SPATS1: variants seen among roughly 807,000 people sequenced by gnomAD.
SPATS1 encodes spermatogenesis associated serine rich 1, also known as spermatogenesis-associated serine-rich protein 1.
A neutral mutation model predicts 33.6 loss-of-function variants in SPATS1; 23 were observed. The ratio of observed to expected loss-of-function variants is 0.68; its 90% CI spans 0.49 to 0.97. The LOEUF is 0.97. SPATS1 is among the 50% of genes least tolerant of loss of function. The probability of loss-of-function intolerance (pLI) is 0.00; values close to 1 mark genes in which losing one functional copy is unlikely to be tolerated. For missense variants in SPATS1, 327 were observed against 361.0 expected (o/e 0.91, Z 0.76); for synonymous variants, 131 against 125.6 (o/e 1.04, Z -0.29).
In SPATS1 at chr6:44,361,840, A is replaced by G. The variant is rs370491567; in HGVS notation, c.422A>G (p.His141Arg). ...TTCTGGTGTATTGCAGAAGATGGGC[A>G]TCGTCCTGAGTGGACATTTTACCCA... ...SLLKLQTKDG[H>R]RPEWTFYPRF... The change falls in exon 5 of 9, where the codon CAT becomes CGT. Residue 141 changes from histidine (H) to arginine (R), a missense_variant. Transcript: ENST00000674044. 3 of 1,614,146 alleles carry G rather than the reference A, an allele frequency of 1.9e-6. No individual in the cohort carries two copies. Among genetic ancestry groups the G allele is most frequent in the Non-Finnish European group, 2.5e-6 (3 of 1,180,054 alleles).
intron 2 of SPATS1, among the ~76,000 whole-genome samples, chr6:44,351,122 C>CA (rs34139961): frequency 0.032 from 2,422 of 75,274 alleles, 82 homozygotes; most frequent in East Asian, 0.099. Flanking sequence ...GACTCTGTGT[C>CA]AAAAAAAAAA....
intron 2 of SPATS1, among the ~76,000 whole-genome samples, chr6:44,352,159 G>C (rs1788279593): frequency 6.6e-6 from 1 of 151,976 alleles, no homozygotes; most frequent in Non-Finnish European, 1.5e-5. Context: ...TTCTGAGACA[G>C]AGTCTCTGTT....
chr6:44,377,428 G>A lies in SPATS1; in HGVS notation c.*365G>A. 4.6e-6 allele frequency: 1 copy of A among 215,336 alleles called. No individual in the cohort carries two copies. Among genetic ancestry groups the A allele is most frequent in the Non-Finnish European group, 9.2e-6 (1 of 108,472 alleles). The allele number at this position is 215,336 out of a possible 1,614,324, so 13.3% of individuals were successfully genotyped here. A position where few individuals can be genotyped will look rare whatever the true frequency, so the allele number is the denominator to read the frequency against. ...CTCAGCATGTATCTTCTAAGGTCAA[G>A]GATGTTGTCTAACAACCACAACACA... is the stretch of plus-strand genomic sequence containing the variant. On this transcript the variant is annotated 3_prime_UTR_variant, in exon 9 of 9. Transcript: ENST00000674044.
intron 7 of SPATS1, among the ~76,000 whole-genome samples, chr6:44,375,519 T>C (rs1789880290): frequency 6.6e-6 from 1 of 152,070 alleles, no homozygotes; most frequent in South Asian, 2.1e-4. Flanking sequence ...AGCTCAAAGG[T>C]GGAAGCACGG....
rs1789958943 is a variant in SPATS1 at position 44,376,434 on chromosome 6, C to T, written c.835C>T (p.Gln279Ter). Residue 279 changes from glutamine to a stop codon, truncating the protein, a stop_gained, in exon 8 of 9, where the codon CAG (glutamine) becomes TAG (stop). Transcript: ENST00000674044. LOFTEE classifies it low-confidence loss of function (END_TRUNC). ...AGAGGTTGAGGAGCTTGACAACTGGCAGCCAGCAGTGCCCTTAATGCACAT... is the reference window on the plus strand; with the variant it reads ...AGAGGTTGAGGAGCTTGACAACTGGTAGCCAGCAGTGCCCTTAATGCACAT... ...IQEVEELDNW[Q>*]PAVPLMHMLH... 1 of 1,612,248 alleles carries T rather than the reference C, an allele frequency of 6.2e-7. No individual in the cohort carries two copies. The highest frequency in any genetic ancestry group is 1.3e-5 in the African/African-American group (1 of 74,946).
intron 5 of SPATS1, among the ~76,000 whole-genome samples, chr6:44,364,638 T>G (rs1789128224): frequency 6.6e-6 from 1 of 152,190 alleles, no homozygotes; most frequent in Non-Finnish European, 1.5e-5. Flanking sequence ...CTTCTCTTCC[T>G]TGATCTCACT....
chr6:44,346,097 A>G lies in SPATS1; in HGVS notation c.139+2863A>G, dbSNP rs377124181. ...GGAGTTTGAGAGCAGCCTGGGCAAC[A>G]TGGTGAGACCCCATCTCTACAAAAA... On this transcript the variant is annotated intron_variant, in intron 2 of 8. Coordinates refer to ENST00000674044, the MANE Select transcript of SPATS1 (RefSeq NM_001372081.1). 1.1e-3 allele frequency among the ~76,000 whole-genome samples: 163 copies of G among 152,254 alleles called. 5 individuals are homozygous for G. The South Asian group carries it at 0.024, about 23-fold the overall frequency.
intron 6 of SPATS1, among the ~76,000 whole-genome samples, chr6:44,369,001 A>T (rs1789420679): frequency 6.7e-6 from 1 of 148,516 alleles, no homozygotes; most frequent in South Asian, 2.1e-4. Context: ...GGTTCATGCC[A>T]TTCTCCTGCC....
intron 3 of SPATS1, among the ~76,000 whole-genome samples, chr6:44,358,748 C>T (rs1210306582): frequency 2.6e-5 from 4 of 152,134 alleles, no homozygotes. Flanking sequence ...TCTGAGACAA[C>T]CATTAATCTA....
intron 2 of SPATS1, among the ~76,000 whole-genome samples, chr6:44,349,176 G>A (rs1788084888): frequency 1.3e-5 from 2 of 150,118 alleles, no homozygotes; most frequent in Non-Finnish European, 3.0e-5. Flanking sequence ...GCATGCACCT[G>A]TAATCCCAGC....
chr6:44,366,857 T>C (rs1376261901), intron 5 of SPATS1, among the ~76,000 whole-genome samples: 1 of 152,218 alleles, frequency 6.6e-6, no homozygotes, highest in Non-Finnish European at 1.5e-5. Flanking sequence ...TCATGATAAC[T>C]CTGCAAAGTA....
chr6:44,347,889 C>T (rs1350392596), intron 2 of SPATS1, among the ~76,000 whole-genome samples: 1 of 152,118 alleles, frequency 6.6e-6, no homozygotes, highest in African/African-American at 2.4e-5. Flanking sequence ...AATTATACTC[C>T]ATGGCTATGT....
At chr6:44,363,746 C>A (rs995532440) in intron 5 of SPATS1, among the ~76,000 whole-genome samples, 1 of 150,786 alleles carries the variant, frequency 6.6e-6, no homozygotes, top group African/African-American at 2.4e-5. Context: ...TCTCTCCATC[C>A]TTTCATTTCT....
Position 44,352,244 on chromosome 6 carries a change from C to G in SPATS1, c.140-482C>G, listed in dbSNP as rs570216621. ...CTCCTGGGTTCAAGCAAGCCTCCCA[C>G]CTCAGCCTCCCAAATAGCTGGGATT... On this transcript the variant is annotated intron_variant, in intron 2 of 8. Coordinates refer to ENST00000674044, the MANE Select transcript of SPATS1 (RefSeq NM_001372081.1). Among the ~76,000 whole-genome samples the G allele has an allele frequency of 2.0e-5, 3 of 152,150 alleles. No homozygotes were observed. In the South Asian group the frequency reaches 6.2e-4, roughly 32 times the overall value.
intron 6 of SPATS1, among the ~76,000 whole-genome samples, chr6:44,369,124 C>G (rs1003732514): frequency 6.6e-6 from 1 of 152,072 alleles, no homozygotes; most frequent in Non-Finnish European, 1.5e-5. Flanking sequence ...TCTTGATCTC[C>G]TGACCTCGTG....
At chr6:44,356,706 C>T (rs1788610014) in intron 3 of SPATS1, among the ~76,000 whole-genome samples, 1 of 152,192 alleles carries the variant, frequency 6.6e-6, no homozygotes, top group Non-Finnish European at 1.5e-5. Flanking sequence ...GAGGGCATCC[C>T]ACAACATAGC....
intron 3 of SPATS1, among the ~76,000 whole-genome samples, chr6:44,356,576 C>T (rs148611638): frequency 6.7e-4 from 102 of 152,316 alleles, no homozygotes; most frequent in Non-Finnish European, 1.0e-3. Context: ...GGAGGATCCA[C>T]TTCCAAGCTC....
At chr6:44,349,892 C>CAT (rs1788132141) in intron 2 of SPATS1, among the ~76,000 whole-genome samples, 2 of 152,100 alleles carry the variant, frequency 1.3e-5, no homozygotes, top group Admixed American at 6.5e-5. Context: ...AATTGTATTG[C>CAT]ATTGTGGTCA....
chr6:44,370,430 A>G (rs1789532417), intron 7 of SPATS1, among the ~76,000 whole-genome samples: 1 of 152,148 alleles, frequency 6.6e-6, no homozygotes, highest in African/African-American at 2.4e-5. Context: ...GTATGTTGGG[A>G]AAAAAAGACA....
Sources: gnomAD v4.1 joint callset for allele counts (sites outside exome capture counted in the v4.1 genomes callset) on GRCh38, gnomAD v4.1.1 for gene constraint, MANE v1.5 for transcripts, NCBI Gene and HGNC (gene_info 2026-07-23, HGNC 2026-07-21) for gene names.